Variants in TOX observed in about 807,000 individuals in gnomAD.
The protein encoded by TOX is thymocyte selection-associated high mobility group box protein TOX.
A neutral mutation model predicts 53.7 loss-of-function variants in TOX; 11 were observed. That is an observed-to-expected ratio of 0.20 (90% confidence interval 0.13 to 0.34). The LOEUF (loss-of-function observed/expected upper bound fraction) is 0.34, where lower values mean the gene tolerates loss of function less well. Ranked by LOEUF, TOX falls within the 10% of genes least tolerant of loss-of-function variation. The pLI is 1.00. For synonymous variants in TOX, 225 were observed against 245.3 expected, an observed-to-expected ratio of 0.92 and a Z score of 0.77; for missense variants, 570 against 664.6, an observed-to-expected ratio of 0.86 and a Z score of 1.56.
intron 1 of TOX, among the ~76,000 whole-genome samples, chr8:59,068,026 G>C (rs1804125673): frequency 6.6e-6 from 1 of 152,074 alleles, no homozygotes; most frequent in African/African-American, 2.4e-5. Flanking sequence ...TTATCATTGG[G>C]GACAATAATG....
intron 3 of TOX, among the ~76,000 whole-genome samples, chr8:58,896,710 AAAAAC>A (rs1431965917): frequency 6.6e-6 from 1 of 150,440 alleles, no homozygotes; most frequent in African/African-American, 2.5e-5. Context: ...AAAATAAAAT[AAAAAC>A]AAAAAATCCT....
At chr8:59,015,065 C>T (rs1563418765) in intron 1 of TOX, among the ~76,000 whole-genome samples, 1 of 152,150 alleles carries the variant, frequency 6.6e-6, no homozygotes, top group Non-Finnish European at 1.5e-5. Flanking sequence ...AGAGGATCAA[C>T]CCCCTCTGGG....
At chr8:58,972,435 C>CA (rs1813017469) in intron 1 of TOX, among the ~76,000 whole-genome samples, 1 of 151,998 alleles carries the variant, frequency 6.6e-6, no homozygotes, top group African/African-American at 2.4e-5. Flanking sequence ...TTGCTTCGGG[C>CA]TAATTTATTG....
At chr8:59,060,583 C>A (rs1803965187) in intron 1 of TOX, among the ~76,000 whole-genome samples, 1 of 152,236 alleles carries the variant, frequency 6.6e-6, no homozygotes, top group Non-Finnish European at 1.5e-5. Flanking sequence ...GCCAAGATCA[C>A]ACCACTGCAC....
intron 1 of TOX, among the ~76,000 whole-genome samples, chr8:58,961,077 T>C (rs1463140): frequency 0.46 from 70,301 of 152,028 alleles, 18,039 homozygotes; most frequent in East Asian, 0.59. Flanking sequence ...ATACTTCATA[T>C]ACTATGAAAA....
chr8:59,008,810 G>C (rs528879122), intron 1 of TOX, among the ~76,000 whole-genome samples: 1 of 152,312 alleles, frequency 6.6e-6, no homozygotes, highest in South Asian at 2.1e-4. Flanking sequence ...GATAACCTCA[G>C]AGATGGCCAC....
chr8:58,815,191 T>C (rs1055375374), intron 7 of TOX, 147 bp downstream of exon 7: 4 of 1,052,510 alleles, frequency 3.8e-6, no homozygotes, highest in Non-Finnish European at 5.1e-6. Context: ...AGATATTTGT[T>C]GAATATCTTT....
intron 1 of TOX, among the ~76,000 whole-genome samples, chr8:58,966,945 G>A (rs1413262532): frequency 6.7e-6 from 1 of 149,640 alleles, no homozygotes; most frequent in Non-Finnish European, 1.5e-5. Context: ...CACGATCTTG[G>A]CTCACTGCAA....
intron 1 of TOX, among the ~76,000 whole-genome samples, chr8:59,032,354 A>G (rs1437450478): frequency 6.6e-6 from 1 of 152,212 alleles, no homozygotes; most frequent in Non-Finnish European, 1.5e-5. Context: ...TAAAATTTTA[A>G]TATTTACTAT....
chr8:58,852,825 T>C lies in TOX; in HGVS notation c.412-1020A>G, dbSNP rs980291800. Among the ~76,000 whole-genome samples the C allele has an allele frequency of 7.2e-4, 110 of 152,242 alleles. 1 individual carries two copies. Among genetic ancestry groups the C allele is most frequent in the Non-Finnish European group, 5.9e-5 (4 of 68,002 alleles). ...AAAGATATATGGTTAAAGTTACACG[T>C]TGGAAGTGAAAAAGTAATAATGTTA... On this transcript the variant is annotated intron_variant, in intron 3 of 8. Transcript: ENST00000361421.
intron 3 of TOX, among the ~76,000 whole-genome samples, chr8:58,922,225 C>CTGTG (rs1398354988): frequency 3.3e-5 from 5 of 152,192 alleles, no homozygotes; most frequent in African/African-American, 1.2e-4. Context: ...ATTCTCCTAA[C>CTGTG]TGTGTGCTTT....
chr8:59,094,763 G>T (rs970282229), intron 1 of TOX, among the ~76,000 whole-genome samples: 21 of 152,266 alleles, frequency 1.4e-4, no homozygotes, highest in Admixed American at 1.1e-3. Context: ...TGACATTTCT[G>T]AAGAATGAGT....
In TOX at chr8:58,909,662, T is replaced by C. The variant is rs868271631; in HGVS notation, c.411+29640A>G. 3.3e-3 allele frequency among the ~76,000 whole-genome samples: 454 copies of C among 138,934 alleles called. 4 individuals carry two copies. The highest frequency in any genetic ancestry group is 0.011 in the African/African-American group (423 of 39,946). 91.1% of individuals were successfully genotyped at this position (138,934 alleles called of 152,430 possible). ...ATGTCTCTTAATTCTCTCTCTCTCT[T>C]TTTTTTTTTTTTTGAGAGGAAGTCT... is the stretch of plus-strand genomic sequence containing the variant. On this transcript the variant is annotated intron_variant, in intron 3 of 8. Coordinates refer to ENST00000361421, the MANE Select transcript of TOX (RefSeq NM_014729.3).
At chr8:59,012,937 A>G (rs1563417980) in intron 1 of TOX, among the ~76,000 whole-genome samples, 51 of 151,380 alleles carry the variant, frequency 3.4e-4, no homozygotes, top group Non-Finnish European at 1.6e-4. Flanking sequence ...AAAAAAAAAA[A>G]GCCCTAAAAT....
intron 1 of TOX, among the ~76,000 whole-genome samples, chr8:59,105,800 A>G (rs532933927): frequency 1.3e-5 from 2 of 152,330 alleles, no homozygotes; most frequent in Non-Finnish European, 2.9e-5. Context: ...CCCAAATCCC[A>G]AAGTTTCCTG....
intron 3 of TOX, among the ~76,000 whole-genome samples, chr8:58,875,722 C>G (rs1811271939): frequency 6.6e-6 from 1 of 152,146 alleles, no homozygotes; most frequent in Non-Finnish European, 1.5e-5. Flanking sequence ...GGGTATGGCT[C>G]ATGTTGGCAA....
At chr8:59,112,827 A>G (rs1805039573) in intron 1 of TOX, among the ~76,000 whole-genome samples, 1 of 152,156 alleles carries the variant, frequency 6.6e-6, no homozygotes, top group African/African-American at 2.4e-5. Context: ...AAAAGTATGA[A>G]TTTTATATTC....
At chr8:58,935,048 T>C (rs1812320086) in intron 3 of TOX, among the ~76,000 whole-genome samples, 1 of 152,212 alleles carries the variant, frequency 6.6e-6, no homozygotes, top group East Asian at 1.9e-4. Context: ...TCTAATATAT[T>C]AGGCATTTGT....
At chr8:58,894,248 C>T (rs955243262) in intron 3 of TOX, among the ~76,000 whole-genome samples, 5 of 152,196 alleles carry the variant, frequency 3.3e-5, no homozygotes, top group Non-Finnish European at 7.3e-5. Context: ...CACCCTGCTA[C>T]GGCAATCTGT....
Sources: gnomAD v4.1 joint callset for allele counts (sites outside exome capture counted in the v4.1 genomes callset) on GRCh38, gnomAD v4.1.1 for gene constraint, MANE v1.5 for transcripts, NCBI Gene and HGNC (gene_info 2026-07-23, HGNC 2026-07-21) for gene names.